Variants in DAB2IP observed in about 807,000 individuals in gnomAD.
DAB2IP encodes disabled homolog 2-interacting protein.
In DAB2IP, 28 loss-of-function variants were observed where a neutral mutation model predicts 107.2. The ratio of observed to expected loss-of-function variants is 0.26; its 90% CI spans 0.19 to 0.36. The LOEUF is 0.36. DAB2IP is among the 10% of genes least tolerant of loss of function. The pLI is 1.00. For synonymous variants in DAB2IP, 755 were observed against 706.4 expected (o/e 1.07, Z -1.09); for missense variants, 1,400 against 1,644.7 (o/e 0.85, Z 2.57).
chr9:121,773,529 A>G (rs753458336), intron 12 of DAB2IP, 34 bp downstream of exon 12: 8 of 1,442,158 alleles, frequency 5.5e-6, no homozygotes, highest in Non-Finnish European at 6.4e-6. Flanking sequence ...AGGGCTGGGC[A>G]CTTGGGCCCA....
In DAB2IP at chr9:121,760,084, C is replaced by T. The variant is rs1316033381; in HGVS notation, c.815C>T (p.Thr272Ile). 3 of 1,613,980 alleles carry T rather than the reference C, an allele frequency of 1.9e-6. No homozygotes were observed. In the African/African-American group the frequency reaches 4.0e-5, roughly 22 times the overall value. The change falls in exon 6 of 16, where the codon ACT (threonine) becomes ATT (isoleucine). Residue 272 changes from threonine to isoleucine, a missense_variant. This residue lies in a region of DAB2IP where 517 missense variants were observed against 748.6 expected (regional missense o/e 0.69). Transcript: ENST00000408936. This position sits in a 1 kb window ranked among gnomAD's most constrained non-coding sequence, Gnocchi z 5.9. ...AACTTGCCGCCTCTGCGCACGGTCA[C>T]TGTCCACCTGTACCGGGAGACCGAC...
chr9:121,579,822 T>C (rs73661759), intron 1 of DAB2IP, among the ~76,000 whole-genome samples: 2,934 of 152,308 alleles, frequency 0.019, 85 homozygotes, highest in African/African-American at 0.065. Context: ...CAAAGTACTT[T>C]GCAAGCTATA....
At chr9:121,741,203 G>A (rs1455884659) in intron 3 of DAB2IP, among the ~76,000 whole-genome samples, 1 of 152,216 alleles carries the variant, frequency 6.6e-6, no homozygotes, top group Non-Finnish European at 1.5e-5. Context: ...CTTGAACCTT[G>A]TCAAACCTTG....
At chr9:121,762,241 CTG>C (rs1833948659) in intron 6 of DAB2IP, among the ~76,000 whole-genome samples, 1 of 152,288 alleles carries the variant, frequency 6.6e-6, no homozygotes, top group Non-Finnish European at 1.5e-5. Context: ...CATTTTCCTG[CTG>C]TGTGTGCATT....
Position 121,662,275 on chromosome 9 carries a change from T to C in DAB2IP, c.124+10376T>C, listed in dbSNP as rs1833243639. ...CTCTCTTCTCTTTTCTTTCTATCTT[T>C]CTTAGAAATAGAAATGATTCAGGTC... On this transcript the variant is annotated intron_variant, in intron 1 of 15. Coordinates refer to ENST00000408936, the Ensembl canonical transcript of DAB2IP. This position sits in a 1 kb window ranked among gnomAD's most constrained non-coding sequence, Gnocchi z 4.6. Among the ~76,000 whole-genome samples, 1 of 152,210 alleles carries C rather than the reference T, an allele frequency of 6.6e-6. No homozygotes were observed. Among genetic ancestry groups the C allele is most frequent in the Admixed American group, 6.5e-5 (1 of 15,278 alleles).
chr9:121,689,681 A>G (rs1362803707), intron 2 of DAB2IP, among the ~76,000 whole-genome samples: 1 of 152,020 alleles, frequency 6.6e-6, no homozygotes, highest in Non-Finnish European at 1.5e-5. Flanking sequence ...GGGGAATCCT[A>G]CCCAACAGAA....
chr9:121,728,532 CTTA>C (rs1831356251), intron 3 of DAB2IP, among the ~76,000 whole-genome samples: 1 of 152,162 alleles, frequency 6.6e-6, no homozygotes, highest in Non-Finnish European at 1.5e-5. Flanking sequence ...ACTCACGGGT[CTTA>C]TTAATGCTAC....
At chr9:121,593,187 G>C (rs1466294766) in intron 1 of DAB2IP, among the ~76,000 whole-genome samples, 1 of 152,148 alleles carries the variant, frequency 6.6e-6, no homozygotes, top group Non-Finnish European at 1.5e-5. Context: ...GGGCTCAAGA[G>C]ATCATCCTGC....
intron 2 of DAB2IP, among the ~76,000 whole-genome samples, chr9:121,696,545 G>A (rs1013994586): frequency 6.6e-6 from 1 of 152,198 alleles, no homozygotes; most frequent in South Asian, 2.1e-4. Flanking sequence ...TTCATCTGGC[G>A]AAGAGGGAGA....
At chr9:121,767,021 C>T (rs1287096015) in intron 9 of DAB2IP, among the ~76,000 whole-genome samples, 1 of 152,176 alleles carries the variant, frequency 6.6e-6, no homozygotes, top group African/African-American at 2.4e-5. Flanking sequence ...TATAAGGATT[C>T]TCACATATCC....
intron 2 of DAB2IP, 80 bp downstream of exon 2, chr9:121,678,861 G>A (rs1828422484): frequency 3.8e-6 from 5 of 1,309,660 alleles, no homozygotes; most frequent in African/African-American, 3.0e-5. Context: ...GTGACCCCAC[G>A]GCCCCCCTTC....
chr9:121,588,261 T>C (rs1460965501), intron 1 of DAB2IP, among the ~76,000 whole-genome samples: 2 of 152,076 alleles, frequency 1.3e-5, no homozygotes, highest in African/African-American at 4.8e-5. Flanking sequence ...TGCTTCTGTC[T>C]CAAGAAGAGC....
chr9:121,666,164 A>G (rs368618543), intron 1 of DAB2IP, among the ~76,000 whole-genome samples: 1 of 152,094 alleles, frequency 6.6e-6, no homozygotes. Context: ...TCATAGCCCC[A>G]TGTCACTCCC....
At chr9:121,703,724 G>C (rs1829906557) in intron 3 of DAB2IP, among the ~76,000 whole-genome samples, 1 of 152,176 alleles carries the variant, frequency 6.6e-6, no homozygotes, top group Admixed American at 6.5e-5. Context: ...AAAGAGGTTA[G>C]ATTAATATGT....
At chr9:121,744,195 A>G (rs1275856022) in intron 3 of DAB2IP, among the ~76,000 whole-genome samples, 1 of 152,172 alleles carries the variant, frequency 6.6e-6, no homozygotes, top group Non-Finnish European at 1.5e-5. Context: ...CCAGCTCCTC[A>G]GCAGAACTTT....
At chr9:121,779,570 G>T (rs1445818253) in intron 14 of DAB2IP, among the ~76,000 whole-genome samples, 1 of 152,326 alleles carries the variant, frequency 6.6e-6, no homozygotes, top group East Asian at 1.9e-4. Flanking sequence ...TTCCTTTTAA[G>T]TTTTGTTAGG....
At chr9:121,585,194 G>A (rs1221220851) in intron 1 of DAB2IP, among the ~76,000 whole-genome samples, 1 of 152,150 alleles carries the variant, frequency 6.6e-6, no homozygotes, top group Non-Finnish European at 1.5e-5. Context: ...ATAAAATGCG[G>A]CCAACAACAC....
At chr9:121,578,576 T>C (rs949817480) in intron 1 of DAB2IP, among the ~76,000 whole-genome samples, 7 of 151,772 alleles carry the variant, frequency 4.6e-5, no homozygotes, top group African/African-American at 1.7e-4. Flanking sequence ...CCAACCTTGG[T>C]CCCTGGGCTC....
At chr9:121,618,673 AT>A (rs893585688) in intron 1 of DAB2IP, among the ~76,000 whole-genome samples, 46 of 150,862 alleles carry the variant, frequency 3.0e-4, no homozygotes, top group East Asian at 5.8e-4. Context: ...TTGTAGAAAC[AT>A]TTTTTTTTTC....
Sources: allele counts gnomAD v4.1 joint callset (sites outside exome capture counted in the v4.1 genomes callset), GRCh38; gene constraint gnomAD v4.1.1; regional missense constraint gnomAD v4.1.1; non-coding constraint Gnocchi (gnomAD v3.1); transcripts MANE v1.5; gene names NCBI Gene and HGNC (gene_info 2026-07-23, HGNC 2026-07-21).